Variants in ELP3 observed in about 807,000 individuals in gnomAD.
ELP3 encodes the protein elongator complex protein 3.
In ELP3, 56 loss-of-function variants were observed where a neutral mutation model predicts 74.9. The observed-to-expected ratio is 0.75, with a 90% CI of 0.60 to 0.93. ELP3 has a LOEUF of 0.93. ELP3 is among the 40% of genes least tolerant of loss of function. The probability of loss-of-function intolerance (pLI) is 0.00; values close to 1 mark genes in which losing one functional copy is unlikely to be tolerated. For missense variants in ELP3, 573 were observed against 686.5 expected (o/e 0.83, Z 1.85); for synonymous variants, 222 against 239.8 (o/e 0.93, Z 0.68).
chr8:28,173,469 T>C (rs778564302), intron 14 of ELP3, among the ~76,000 whole-genome samples: 6 of 151,942 alleles, frequency 3.9e-5, no homozygotes, highest in Non-Finnish European at 7.4e-5. Context: ...TTTCTGTTTT[T>C]GTGATTTGAG....
intron 10 of ELP3, among the ~76,000 whole-genome samples, chr8:28,150,500 G>C (rs1813600978): frequency 2.6e-5 from 4 of 151,906 alleles, no homozygotes; most frequent in Admixed American, 2.0e-4. Context: ...GTTGGTGGCG[G>C]GTGTTTTTTT....
intron 3 of ELP3, among the ~76,000 whole-genome samples, chr8:28,105,761 T>C (rs1369621722): frequency 6.6e-6 from 1 of 152,214 alleles, no homozygotes; most frequent in East Asian, 1.9e-4. Flanking sequence ...TGTTTATAGC[T>C]ACTTCTCTGA....
At chr8:28,187,292 T>C (rs1241817634) in intron 14 of ELP3, among the ~76,000 whole-genome samples, 3 of 152,184 alleles carry the variant, frequency 2.0e-5, no homozygotes, top group African/African-American at 7.2e-5. Context: ...GATCTCCCTA[T>C]TTCTGCCCTT....
At position 28,137,890 on chromosome 8, in the gene ELP3, A is replaced by AG; in HGVS notation, c.1100+1dup. 1 of 1,584,906 alleles carries AG rather than the reference A, an allele frequency of 6.3e-7. No individual in the cohort carries two copies. Among genetic ancestry groups the AG allele is most frequent in the Non-Finnish European group, 8.5e-7 (1 of 1,171,094 alleles). On this transcript the variant is annotated frameshift_variant and splice_region_variant, in exon 10 of 15. Coordinates refer to ENST00000256398, the MANE Select transcript of ELP3 (RefSeq NM_018091.6). LOFTEE classifies it high-confidence loss of function. ...ATGGACTCGAGTGTACCGAGTACAGAGGTAGTGTGTTATCTTTTATTCCTA... is the reference window on the plus strand; with the variant it reads ...ATGGACTCGAGTGTACCGAGTACAGAGGGTAGTGTGTTATCTTTTATTCCTA...
At chr8:28,166,851 A>G (rs1321234621) in intron 14 of ELP3, among the ~76,000 whole-genome samples, 2 of 152,228 alleles carry the variant, frequency 1.3e-5, no homozygotes, top group Non-Finnish European at 2.9e-5. Context: ...ATCAGATCCA[A>G]TCGTGTGACT....
At position 28,162,044 on chromosome 8, in the gene ELP3, A is replaced by G; in HGVS notation, c.1533A>G (p.Glu511=). 1 of 1,614,232 alleles carries G rather than the reference A, an allele frequency of 6.2e-7. No homozygotes were observed. Residue 511 remains glutamate (E), a synonymous_variant, in exon 14 of 15, where the codon GAA becomes GAG. Transcript: ENST00000256398. The part of the protein sequence containing the change: ...LMEEAERIAR[E]EHGSGKIAVI... ...AGGAAGCAGAAAGAATAGCTAGAGA[A>G]GAACATGGGTCTGGGAAAATCGCTG...
rs947157419 is a variant in ELP3 at position 28,093,318 on chromosome 8, C to T, written c.19+85C>T. ...AATCAAATGCTGAACCGAACTTTTACCGCGAGAATCCGCTACCCAGTCCAG... is the reference window on the plus strand; with the variant it reads ...AATCAAATGCTGAACCGAACTTTTATCGCGAGAATCCGCTACCCAGTCCAG... On this transcript the variant is annotated intron_variant, in intron 1 of 14. Transcript: ENST00000256398. The T allele has an allele frequency of 8.4e-6, 13 of 1,552,964 alleles. No homozygotes were observed. The Admixed American group carries it at 1.3e-4, about 16-fold the overall frequency.
intron 10 of ELP3, among the ~76,000 whole-genome samples, chr8:28,148,199 G>A (rs1813503295): frequency 6.6e-6 from 1 of 152,098 alleles, no homozygotes. Context: ...CACTACATTG[G>A]TGTAATACTA....
chr8:28,136,949 T>C (rs1401935541), intron 9 of ELP3, among the ~76,000 whole-genome samples: 2 of 152,212 alleles, frequency 1.3e-5, no homozygotes, highest in African/African-American at 2.4e-5. Flanking sequence ...TGATGTAGTA[T>C]AAGAAATGAC....
intron 14 of ELP3, among the ~76,000 whole-genome samples, chr8:28,186,618 C>T (rs148462767): frequency 1.3e-5 from 2 of 152,308 alleles, no homozygotes; most frequent in East Asian, 3.9e-4. Flanking sequence ...AGTCCAAGGT[C>T]AAAGGGCTGG....
rs1811397557 is a variant in ELP3, at chr8:28,099,768, T to G, written c.120-60T>G. On this transcript the variant is annotated intron_variant, in intron 2 of 14. Transcript: ENST00000256398. ...TAATGATGTTGTTTATAGATCATCC[T>G]CTTGGTAGCTTGTCCTTAAATAACC... 2.5e-6 allele frequency: 4 copies of G among 1,590,866 alleles called. No individual in the cohort carries two copies. In the Admixed American group the frequency reaches 5.0e-5, roughly 20 times the overall value.
intron 10 of ELP3, among the ~76,000 whole-genome samples, chr8:28,154,145 A>G (rs1813742335): frequency 6.6e-6 from 1 of 152,194 alleles, no homozygotes; most frequent in African/African-American, 2.4e-5. Context: ...AGTGCTGTCC[A>G]TGAGTTATAG....
At chr8:28,123,007 C>G (rs1812433324) in intron 7 of ELP3, among the ~76,000 whole-genome samples, 1 of 152,182 alleles carries the variant, frequency 6.6e-6, no homozygotes, top group Non-Finnish European at 1.5e-5. Context: ...ACCTGTAATC[C>G]CAGCTACTGG....
rs115403823 is a variant in ELP3 at position 28,125,672 on chromosome 8, C to T, written c.618-3830C>T. On this transcript the variant is annotated intron_variant, in intron 7 of 14. Transcript: ENST00000256398. ...CTGTCAAAAGGTCGCTTTCTTCTTT[C>T]CAGAAATAGAAACATGCTTCCCAAG... 2.6e-3 allele frequency among the ~76,000 whole-genome samples: 391 copies of T among 151,762 alleles called. 3 individuals are homozygous for T. The highest frequency in any genetic ancestry group is 9.0e-3 in the African/African-American group (371 of 41,390).
chr8:28,119,418 G>A (rs79311935), intron 7 of ELP3, among the ~76,000 whole-genome samples: 53 of 151,502 alleles, frequency 3.5e-4, no homozygotes, highest in African/African-American at 1.3e-3. Context: ...GTGTGCTTGC[G>A]CTGTCTTTTT....
At position 28,189,849 on chromosome 8, in the gene ELP3, C is replaced by CTG; in HGVS notation, c.*125_*126dup. 1 of 1,031,426 alleles carries CTG rather than the reference C, an allele frequency of 9.7e-7. No homozygotes were observed. Among genetic ancestry groups the CTG allele is most frequent in the South Asian group, 1.5e-5 (1 of 66,862 alleles). 63.9% of individuals were successfully genotyped at this position (1,031,426 alleles called of 1,614,324 possible). On this transcript the variant is annotated 3_prime_UTR_variant, in exon 15 of 15. Coordinates refer to ENST00000256398, the MANE Select transcript of ELP3 (RefSeq NM_018091.6). ...GGGGGGCTTCACCCTCATCCCGCAG[C>CTG]TGCAGAGACTGGAAACTGCCTTCAA...
intron 3 of ELP3, among the ~76,000 whole-genome samples, chr8:28,103,814 C>G (rs1413491424): frequency 1.3e-5 from 2 of 152,198 alleles, no homozygotes; most frequent in African/African-American, 4.8e-5. Flanking sequence ...CTCACTGCAG[C>G]AACCTCCCAG....
intron 14 of ELP3, among the ~76,000 whole-genome samples, chr8:28,168,102 G>A (rs1353274585): frequency 1.3e-5 from 2 of 152,202 alleles, no homozygotes; most frequent in East Asian, 3.8e-4. Flanking sequence ...TCATTTGAAG[G>A]TGAATCAGGT....
rs182871430 is a variant in ELP3 at position 28,131,488 on chromosome 8, A to G, written c.780-790A>G. Among the ~76,000 whole-genome samples the G allele has an allele frequency of 1.8e-4, 28 of 152,362 alleles. No individual in the cohort carries two copies. The East Asian group carries it at 5.2e-3, about 28-fold the overall frequency. ...GAATTGGGAAGTCATCAGCAAAAAGACATTAGAAATTGAAGCCATGGAAAT... is the reference window on the plus strand; with the variant it reads ...GAATTGGGAAGTCATCAGCAAAAAGGCATTAGAAATTGAAGCCATGGAAAT... On this transcript the variant is annotated intron_variant, in intron 8 of 14. Coordinates refer to ENST00000256398, the MANE Select transcript of ELP3 (RefSeq NM_018091.6).
Sources: gnomAD v4.1 joint callset for allele counts (sites outside exome capture counted in the v4.1 genomes callset) on GRCh38, gnomAD v4.1.1 for gene constraint, MANE v1.5 for transcripts, NCBI Gene and HGNC (gene_info 2026-07-23, HGNC 2026-07-21) for gene names.